Variants in DGKK observed in about 807,000 individuals in gnomAD.
DGKK encodes the protein diacylglycerol kinase kappa.
In DGKK, 35 loss-of-function variants were observed where a neutral mutation model predicts 92.2. The ratio of observed to expected loss-of-function variants is 0.38; its 90% CI spans 0.29 to 0.50. The LOEUF (loss-of-function observed/expected upper bound fraction) is 0.50, where lower values mean the gene tolerates loss of function less well. Ranked by LOEUF, DGKK falls within the 20% of genes least tolerant of loss-of-function variation. The pLI is 0.92. For missense variants in DGKK, 910 were observed against 992.2 expected (o/e 0.92, Z 1.11); for synonymous variants, 368 against 360.6 (o/e 1.02, Z -0.23).
chrX:50,446,953 G>A (rs781933288), intron 1 of DGKK, among the ~76,000 whole-genome samples: 4 of 109,913 alleles, frequency 3.6e-5, no homozygotes, highest in East Asian at 5.8e-4. Flanking sequence ...AACTAGAAAA[G>A]CTTGAGCTTA....
intron 20 of DGKK, 60 bp from the exon 21 acceptor site, chrX:50,378,751 C>G: frequency 2.2e-6 from 2 of 917,778 alleles, no homozygotes; most frequent in Non-Finnish European, 3.1e-6. Flanking sequence ...CTGTCTATAA[C>G]AAGAAGGCAT....
In DGKK at chrX:50,386,534, T is replaced by G. The variant is rs781900729; in HGVS notation, c.2171A>C (p.Glu724Ala). The G allele has an allele frequency of 2.5e-6, 3 of 1,209,084 alleles. No individual in the cohort carries two copies. The highest frequency in any genetic ancestry group is 4.6e-4 in the Middle Eastern group (2 of 4,367). Residue 724 changes from glutamate to alanine, a missense_variant, in exon 15 of 28, where the codon GAG becomes GCG. Transcript: ENST00000611977. ...TTTTTCAGCAGAAGTAGCTGCTGCCTCCTCAGCCAGGACATCGATCAGGAC... is the reference window on the plus strand; with the variant it reads ...TTTTTCAGCAGAAGTAGCTGCTGCCGCCTCAGCCAGGACATCGATCAGGAC... ...LSVLIDVLAEEAAATSAEKSA... is the reference protein window; with the variant it reads ...LSVLIDVLAEAAAATSAEKSA...
At chrX:50,438,655 CA>C (rs1271552119) in intron 1 of DGKK, among the ~76,000 whole-genome samples, 4 of 111,690 alleles carry the variant, frequency 3.6e-5, no homozygotes, top group African/African-American at 1.3e-4. Flanking sequence ...ACCAATATGG[CA>C]CCTGGGAAAG....
In DGKK at chrX:50,469,750, C is replaced by A. The variant is rs781809482; in HGVS notation, c.645+284G>T. 6.6e-4 allele frequency among the ~76,000 whole-genome samples: 74 copies of A among 112,865 alleles called. No homozygotes were observed. In the South Asian group the frequency reaches 0.024, roughly 37 times the overall value. ...TCTCTTTCAAGATATTGGCGCTCAC[C>A]GCACTGTCGCTTCTCTTCAAGGGGA... On this transcript the variant is annotated intron_variant, in intron 1 of 27. Coordinates refer to ENST00000611977, the MANE Select transcript of DGKK (RefSeq NM_001013742.4).
chrX:50,419,716 T>G (rs1204184620), intron 4 of DGKK, among the ~76,000 whole-genome samples: 3 of 112,242 alleles, frequency 2.7e-5, no homozygotes, highest in Non-Finnish European at 3.8e-5. Context: ...GGAACTTACA[T>G]AAATTCTAAC....
At position 50,410,099 on chromosome X, in the gene DGKK, A is replaced by C. The variant is rs139177394; in HGVS notation, c.943-5915T>G. On this transcript the variant is annotated intron_variant, in intron 4 of 27. Coordinates refer to ENST00000611977, the MANE Select transcript of DGKK (RefSeq NM_001013742.4). ...ACTAAGACAGGAATTGGTACTGAGA[A>C]GTGAGGAGTACTGCTATAACAAATA... is the stretch of plus-strand genomic sequence containing the variant. Among the ~76,000 whole-genome samples, 870 of 112,266 alleles carry C rather than the reference A, an allele frequency of 7.7e-3. 2 individuals are homozygous for C. Among genetic ancestry groups the C allele is most frequent in the Non-Finnish European group, 0.013 (698 of 53,273 alleles).
rs1557234587 is a variant in DGKK at position 50,470,746 on chromosome X, C to T, written c.-68G>A. 1 of 1,058,220 alleles carries T rather than the reference C, an allele frequency of 9.4e-7. No individual in the cohort carries two copies. The highest frequency in any genetic ancestry group is 1.9e-5 in the African/African-American group (1 of 52,732). The allele number at this position is 1,058,220 out of a possible 1,213,427, so 87.2% of individuals were successfully genotyped here. ...CCTGGAAGGCTAAAGTACCCTCGGG[C>T]GCCCCGCCCACTCCAGTCCGGCAGC... On this transcript the variant is annotated 5_prime_UTR_variant, in exon 1 of 28. Coordinates refer to ENST00000611977, the MANE Select transcript of DGKK (RefSeq NM_001013742.4).
At chrX:50,432,472 C>T (rs1925913719) in intron 1 of DGKK, among the ~76,000 whole-genome samples, 2 of 112,081 alleles carry the variant, frequency 1.8e-5, no homozygotes, top group South Asian at 7.6e-4. Context: ...TTGTTTCTTG[C>T]TTTCTACACT....
At chrX:50,386,668 G>T in intron 14 of DGKK, 82 bp from the exon 15 acceptor site, 1 of 827,564 alleles carries the variant, frequency 1.2e-6, no homozygotes, top group East Asian at 3.3e-5. Flanking sequence ...TGGTGATATG[G>T]GGAAGGGTAG....
chrX:50,406,792 G>C (rs1334049287), intron 4 of DGKK, among the ~76,000 whole-genome samples: 1 of 112,048 alleles, frequency 8.9e-6, no homozygotes, highest in Non-Finnish European at 1.9e-5. Flanking sequence ...ACAGCAAGTT[G>C]CTGTTGGTTT....
intron 8 of DGKK, among the ~76,000 whole-genome samples, chrX:50,400,006 T>G (rs781861208): frequency 5.4e-5 from 6 of 111,848 alleles, no homozygotes; most frequent in Non-Finnish European, 7.5e-5. Flanking sequence ...GGATTTAATT[T>G]TATGGTCCTT....
chrX:50,466,258 G>C, intron 1 of DGKK, among the ~76,000 whole-genome samples: 1 of 110,219 alleles, frequency 9.1e-6, no homozygotes, highest in East Asian at 2.8e-4. Context: ...AAGGAGGGGG[G>C]AAAAACTGAA....
At chrX:50,466,017 C>CTTTTTTTTTTTTTTTTT (rs72090197) in intron 1 of DGKK, among the ~76,000 whole-genome samples, 4 of 42,793 alleles carry the variant, frequency 9.3e-5, no homozygotes, top group East Asian at 9.1e-4. Context: ...TTTCTTTTTT[C>CTTTTTTTTTTTTTTTTT]TTTTTTTTTT....
At position 50,395,032 on chromosome X, in the gene DGKK, G is replaced by C. The variant is rs190925820; in HGVS notation, c.1412-1697C>G. ...GGTTATTGTGGAGTGAGTGGGGGGG[G>C]AGTGGCAGAAGATGAGGTCAGAGAG... On this transcript the variant is annotated intron_variant, in intron 8 of 27. Coordinates refer to ENST00000611977, the MANE Select transcript of DGKK (RefSeq NM_001013742.4). Among the ~76,000 whole-genome samples the C allele has an allele frequency of 2.7e-3, 298 of 110,433 alleles. 3 individuals carry two copies. Among genetic ancestry groups the C allele is most frequent in the African/African-American group, 9.5e-3 (287 of 30,307 alleles).
At chrX:50,422,577 CAA>C (rs1350929035) in intron 2 of DGKK, 51 bp from the exon 3 acceptor site, 2 of 824,074 alleles carry the variant, frequency 2.4e-6, no homozygotes, top group East Asian at 3.4e-5. Context: ...GTTAATGATG[CAA>C]AGAGACATTA....
intron 1 of DGKK, among the ~76,000 whole-genome samples, chrX:50,447,354 T>C (rs1926352707): frequency 2.2e-4 from 2 of 8,996 alleles, no homozygotes; most frequent in Non-Finnish European, 3.2e-4. Context: ...TATATATATA[T>C]ATAATATATA....
intron 4 of DGKK, among the ~76,000 whole-genome samples, chrX:50,408,501 C>T (rs1024731078): frequency 3.6e-5 from 4 of 111,423 alleles, no homozygotes; most frequent in Non-Finnish European, 7.6e-5. Context: ...GCCTCAGCCT[C>T]CCTAGTAGCT....
chrX:50,445,769 T>C (rs1926292049), intron 1 of DGKK, among the ~76,000 whole-genome samples: 1 of 111,494 alleles, frequency 9.0e-6, no homozygotes, highest in Admixed American at 9.6e-5. Flanking sequence ...TTCGGGCTCC[T>C]TTTTGGCTCA....
At position 50,368,952 on chromosome X, in the gene DGKK, T is replaced by C. The variant is rs781898926; in HGVS notation, c.3804A>G (p.Arg1268=). 3.7e-5 allele frequency: 45 copies of C among 1,206,790 alleles called. No individual in the cohort carries two copies. Among genetic ancestry groups the C allele is most frequent in the Non-Finnish European group, 4.3e-5 (38 of 893,656 alleles). ...CAGCTTTCAAGGGCTACAGTTGAGA[T>C]CTCGATGGTGTTAGAGGATCATCAC... ...AEGDDPLTPS[R]SQL Residue 1268 remains arginine, a synonymous_variant, in exon 28 of 28, where the codon AGA becomes AGG. Coordinates refer to ENST00000611977, the MANE Select transcript of DGKK (RefSeq NM_001013742.4).
Sources: allele counts gnomAD v4.1 joint callset (sites outside exome capture counted in the v4.1 genomes callset), GRCh38; gene constraint gnomAD v4.1.1; transcripts MANE v1.5; gene names NCBI Gene and HGNC (gene_info 2026-07-23, HGNC 2026-07-21).